NANOGNB: variants seen among roughly 807,000 people sequenced by gnomAD.
NANOGNB encodes NANOG neighbor homeobox, also known as homeobox C14.
NANOGNB carries 30 observed loss-of-function variants against 25.0 expected under a neutral mutation model. The observed-to-expected ratio is 1.20, with a 90% CI of 0.90 to 1.63. NANOGNB has a LOEUF of 1.63. Ranked by LOEUF, NANOGNB falls within the 40% of genes most tolerant of loss-of-function variation. The probability of loss-of-function intolerance (pLI) is 0.00; values close to 1 mark genes in which losing one functional copy is unlikely to be tolerated. For missense variants in NANOGNB, 200 were observed against 188.1 expected, an observed-to-expected ratio of 1.06 and a Z score of -0.37; for synonymous variants, 84 against 62.1, an observed-to-expected ratio of 1.35 and a Z score of -1.66.
Position 7,772,146 on chromosome 12 carries a change from T to C in NANOGNB, c.515+1628T>C, listed in dbSNP as rs770751370. On this transcript the variant is annotated intron_variant, in intron 3 of 3. Coordinates refer to ENST00000382119, the MANE Select transcript of NANOGNB (RefSeq NM_001145465.1). ...TGCAGTCAAGCCATGGGTGGAGCAA[T>C]GCTTTACTTACAGAGCAAGATCAGC... is the stretch of plus-strand genomic sequence containing the variant. Among the ~76,000 whole-genome samples, 91 of 152,316 alleles carry C rather than the reference T, an allele frequency of 6.0e-4. 2 individuals carry two copies. The Middle Eastern group carries it at 0.031, about 51-fold the overall frequency.
intron 1 of NANOGNB, 92 bp from the exon 2 acceptor site, chr12:7,769,891 C>T: frequency 1.0e-6 from 1 of 981,624 alleles, no homozygotes; most frequent in Non-Finnish European, 1.5e-6. Flanking sequence ...TTAGAAAAAT[C>T]AAATATATTC....
chr12:7,771,792 T>C (rs1213354800), intron 3 of NANOGNB, among the ~76,000 whole-genome samples: 2 of 152,114 alleles, frequency 1.3e-5, no homozygotes, highest in East Asian at 1.9e-4. Flanking sequence ...AGCTAATTTT[T>C]GTATTTTTAG....
intron 3 of NANOGNB, among the ~76,000 whole-genome samples, chr12:7,771,261 C>T (rs1041035767): frequency 3.9e-5 from 6 of 152,206 alleles, no homozygotes; most frequent in African/African-American, 1.4e-4. Flanking sequence ...TGCGCTCTCG[C>T]CCAGGCTGGA....
At chr12:7,773,225 G>T (rs1198156018) in intron 3 of NANOGNB, among the ~76,000 whole-genome samples, 1 of 150,282 alleles carries the variant, frequency 6.7e-6, no homozygotes, top group Non-Finnish European at 1.5e-5. Flanking sequence ...CCGAGTAGCT[G>T]GGATTGCAGG....
rs1865278309 is a variant in NANOGNB, at chr12:7,770,094, AAG to A, written c.220_221del (p.Glu74ThrfsTer14). On this transcript the variant is annotated frameshift_variant, in exon 2 of 4. Transcript: ENST00000382119. LOFTEE classifies it high-confidence loss of function. ...GAGAGAAGAAGGAGAAGCAGGCAGA[AAG>A]AGAGAACGAGAAAAAGAAGAAAAAA... ...KWREEGEAGR[K>X]REREKEEKNE... 1 of 1,542,534 alleles carries A rather than the reference AAG, an allele frequency of 6.5e-7. No homozygotes were observed. The highest frequency in any genetic ancestry group is 8.8e-7 in the Non-Finnish European group (1 of 1,139,860).
chr12:7,773,664 G>A (rs1862609590), intron 3 of NANOGNB, 136 bp from the exon 4 acceptor site: 1 of 382,656 alleles, frequency 2.6e-6, no homozygotes, highest in Non-Finnish European at 4.5e-6. Flanking sequence ...GATGGAGGTT[G>A]CAGTCAGCCG....
chr12:7,771,104 CTGTT>C (rs1342086706), intron 3 of NANOGNB, among the ~76,000 whole-genome samples: 1 of 152,108 alleles, frequency 6.6e-6, no homozygotes, highest in African/African-American at 2.4e-5. Flanking sequence ...TAATTTTGTC[CTGTT>C]TGTTCCTTTG....
At chr12:7,767,757 C>CTTTTTTTTTTTTTTTTTTTTT (rs59800416) in intron 1 of NANOGNB, among the ~76,000 whole-genome samples, 1 of 136,862 alleles carries the variant, frequency 7.3e-6, no homozygotes, top group Non-Finnish European at 1.6e-5. Flanking sequence ...CCTTTTTCCT[C>CTTTTTTTTTTTTTTTTTTTTT]TTTTTTTTTT....
chr12:7,766,756 G>C (rs1252145010), intron 1 of NANOGNB, among the ~76,000 whole-genome samples: 1 of 152,066 alleles, frequency 6.6e-6, no homozygotes, highest in African/African-American at 2.4e-5. Flanking sequence ...CTGAACTCCT[G>C]ACCTCAAGTG....
At chr12:7,772,648 A>G (rs1378883406) in intron 3 of NANOGNB, among the ~76,000 whole-genome samples, 2 of 146,490 alleles carry the variant, frequency 1.4e-5, no homozygotes, top group South Asian at 2.2e-4. Flanking sequence ...CAGTGGCCCA[A>G]TCTTGGCTTA....
At position 7,768,733 on chromosome 12, in the gene NANOGNB, T is replaced by C. The variant is rs1483039798; in HGVS notation, c.103-1250T>C. ...ATTTTTAGTAGAGACCGGGTTTCAC[T>C]GTGTTAGCCAGGATGGTCTCAATCT... is the stretch of plus-strand genomic sequence containing the variant. On this transcript the variant is annotated intron_variant, in intron 1 of 3. Transcript: ENST00000382119. Among the ~76,000 whole-genome samples, 7 of 152,008 alleles carry C rather than the reference T, an allele frequency of 4.6e-5. No individual in the cohort carries two copies. The South Asian group carries it at 8.3e-4, about 18-fold the overall frequency.
chr12:7,768,227 T>G (rs150045689), intron 1 of NANOGNB, among the ~76,000 whole-genome samples: 1 of 152,314 alleles, frequency 6.6e-6, no homozygotes, highest in East Asian at 1.9e-4. Flanking sequence ...TCTATTCATA[T>G]GATGTATTAC....
At chr12:7,767,871 C>T (rs1018365111) in intron 1 of NANOGNB, among the ~76,000 whole-genome samples, 2 of 151,086 alleles carry the variant, frequency 1.3e-5, no homozygotes, top group Admixed American at 1.3e-4. Flanking sequence ...AAGTGATCCT[C>T]TCACCTCATT....
At chr12:7,769,284 C>G (rs1243558562) in intron 1 of NANOGNB, among the ~76,000 whole-genome samples, 2 of 151,986 alleles carry the variant, frequency 1.3e-5, no homozygotes, top group African/African-American at 2.4e-5. Flanking sequence ...CTCAGCCTCC[C>G]AAGTAGCTGG....
intron 1 of NANOGNB, among the ~76,000 whole-genome samples, chr12:7,768,620 C>T (rs1865264551): frequency 6.6e-6 from 1 of 151,976 alleles, no homozygotes; most frequent in Admixed American, 6.6e-5. Flanking sequence ...GCAAGCTCCG[C>T]CTCCCTGGTT....
intron 3 of NANOGNB, among the ~76,000 whole-genome samples, chr12:7,773,304 C>A (rs1410011244): frequency 2.0e-5 from 3 of 151,642 alleles, no homozygotes; most frequent in African/African-American, 7.3e-5. Context: ...GCCTCCATAA[C>A]TTTCTTACCA....
intron 1 of NANOGNB, among the ~76,000 whole-genome samples, chr12:7,768,749 G>C (rs773508355): frequency 6.6e-6 from 1 of 152,106 alleles, no homozygotes; most frequent in Non-Finnish European, 1.5e-5. Context: ...AGCCAGGATG[G>C]TCTCAATCTC....
chr12:7,765,659 A>G (rs1028811748), intron 1 of NANOGNB, among the ~76,000 whole-genome samples: 1 of 151,844 alleles, frequency 6.6e-6, no homozygotes, highest in Non-Finnish European at 1.5e-5. Context: ...GAGTTGAGCT[A>G]TGAGAAAGGG....
chr12:7,768,520 TTTC>T (rs1224388021), intron 1 of NANOGNB, among the ~76,000 whole-genome samples: 90 of 151,934 alleles, frequency 5.9e-4, no homozygotes, highest in African/African-American at 1.9e-3. Flanking sequence ...CTTTTCTTTC[TTTC>T]TTTTTTTTTT....
Sources: gnomAD v4.1 joint callset for allele counts (sites outside exome capture counted in the v4.1 genomes callset) on GRCh38, gnomAD v4.1.1 for gene constraint, MANE v1.5 for transcripts, NCBI Gene and HGNC (gene_info 2026-07-23, HGNC 2026-07-21) for gene names.